The following ERC2 variants were observed in gnomAD, a reference collection of about 807,000 sequenced individuals.
The protein encoded by ERC2 is ERC protein 2.
In ERC2, 42 loss-of-function variants were observed where a neutral mutation model predicts 114.8. That is an observed-to-expected ratio of 0.37 (90% CI 0.29 to 0.47). The LOEUF is 0.47. Ranked by LOEUF, ERC2 falls within the 20% of genes least tolerant of loss-of-function variation. ERC2 has a pLI of 0.99. For synonymous variants in ERC2, 454 were observed against 425.5 expected, an observed-to-expected ratio of 1.07 and a Z score of -0.82; for missense variants, 939 against 1,150.7, an observed-to-expected ratio of 0.82 and a Z score of 2.66.
At chr3:56,107,025 A>C (rs950818235) in intron 6 of ERC2, among the ~76,000 whole-genome samples, 3 of 152,274 alleles carry the variant, frequency 2.0e-5, no homozygotes, top group South Asian at 4.1e-4. Flanking sequence ...ATACGGAAAC[A>C]TGTTTTATTC....
At chr3:56,198,228 G>T (rs1356751998) in intron 3 of ERC2, among the ~76,000 whole-genome samples, 3 of 152,204 alleles carry the variant, frequency 2.0e-5, no homozygotes, top group Admixed American at 2.0e-4. Flanking sequence ...ATCAGGTCTT[G>T]CTCCTCAGCT....
chr3:56,002,144 C>T (rs1482306693), intron 10 of ERC2, among the ~76,000 whole-genome samples: 1 of 152,122 alleles, frequency 6.6e-6, no homozygotes, highest in Admixed American at 6.6e-5. Context: ...AGGGTGGAGG[C>T]TGAATCTAAC....
At chr3:56,231,446 G>A (rs935752061) in intron 3 of ERC2, among the ~76,000 whole-genome samples, 1 of 152,274 alleles carries the variant, frequency 6.6e-6, no homozygotes, top group Admixed American at 6.5e-5. Flanking sequence ...CACATTATCT[G>A]AGACCTGGCT....
intron 15 of ERC2, among the ~76,000 whole-genome samples, chr3:55,709,637 A>G (rs2063669357): frequency 6.6e-6 from 1 of 152,164 alleles, no homozygotes; most frequent in Non-Finnish European, 1.5e-5. Context: ...AGTGGAAGCA[A>G]ATGCAATCTG....
intron 13 of ERC2, among the ~76,000 whole-genome samples, chr3:55,890,855 G>T (rs1452073433): frequency 4.6e-5 from 7 of 152,188 alleles, no homozygotes; most frequent in African/African-American, 1.4e-4. Flanking sequence ...ACCATGTGGG[G>T]CACTGGCCTC....
chr3:56,338,580 A>G (rs1041420177), intron 2 of ERC2, among the ~76,000 whole-genome samples: 1 of 150,444 alleles, frequency 6.6e-6, no homozygotes, highest in Non-Finnish European at 1.5e-5. Context: ...GTCTTTTATC[A>G]TGTCACTTTT....
chr3:56,464,503 G>C (rs2063453260), intron 1 of ERC2, among the ~76,000 whole-genome samples: 1 of 152,204 alleles, frequency 6.6e-6, no homozygotes, highest in African/African-American at 2.4e-5. Flanking sequence ...ACCTGTTGCT[G>C]TAAGTCAGGG....
chr3:56,222,601 A>G (rs1276707157), intron 3 of ERC2, among the ~76,000 whole-genome samples: 1 of 152,106 alleles, frequency 6.6e-6, no homozygotes, highest in Admixed American at 6.5e-5. Flanking sequence ...ATCTACTCAT[A>G]AGTACTTATC....
intron 3 of ERC2, among the ~76,000 whole-genome samples, chr3:56,282,395 A>T (rs1333615976): frequency 6.6e-6 from 1 of 152,228 alleles, no homozygotes; most frequent in East Asian, 1.9e-4. Flanking sequence ...AAGCCCAAAT[A>T]GAAAAGGAAA....
At chr3:55,765,495 C>T (rs2067712546) in intron 14 of ERC2, among the ~76,000 whole-genome samples, 1 of 152,160 alleles carries the variant, frequency 6.6e-6, no homozygotes, top group Non-Finnish European at 1.5e-5. Flanking sequence ...TATTGTATTC[C>T]ACCCAATGAC....
intron 3 of ERC2, among the ~76,000 whole-genome samples, chr3:56,287,875 G>A (rs569099650): frequency 3.9e-5 from 6 of 152,142 alleles, no homozygotes; most frequent in Non-Finnish European, 5.9e-5. Flanking sequence ...TCAGAGTATC[G>A]ATGGAAGAAT....
At chr3:56,322,115 T>C (rs150431700) in intron 2 of ERC2, among the ~76,000 whole-genome samples, 157 of 152,348 alleles carry the variant, frequency 1.0e-3, no homozygotes, top group Middle Eastern at 3.4e-3. Flanking sequence ...TTTCCTCATT[T>C]GTAAAATGAG....
chr3:55,723,237 T>A (rs1452689108), intron 15 of ERC2, among the ~76,000 whole-genome samples: 1 of 152,210 alleles, frequency 6.6e-6, no homozygotes, highest in East Asian at 1.9e-4. Context: ...TTTGTTCAAA[T>A]ATATATGTAG....
At chr3:55,561,155 T>TA (rs34947750) in intron 17 of ERC2, among the ~76,000 whole-genome samples, 60,188 of 145,870 alleles carry the variant, frequency 0.41, 12,084 homozygotes, top group South Asian at 0.53. Flanking sequence ...TGCTTTTCTT[T>TA]AAAAAAAAAA....
intron 3 of ERC2, among the ~76,000 whole-genome samples, chr3:56,220,112 G>A (rs2049800153): frequency 6.6e-6 from 1 of 152,204 alleles, no homozygotes; most frequent in South Asian, 2.1e-4. Flanking sequence ...CACAGTGTCA[G>A]TAATTGCCTT....
intron 2 of ERC2, among the ~76,000 whole-genome samples, chr3:56,337,165 T>C (rs367623054): frequency 2.0e-5 from 3 of 152,174 alleles, no homozygotes; most frequent in East Asian, 3.8e-4. Context: ...CGCTTCAAGC[T>C]CCCAGATATC....
At chr3:55,955,157 C>T (rs773905523) in intron 12 of ERC2, 1 of 516,766 alleles carries the variant, frequency 1.9e-6, no homozygotes, top group Admixed American at 1.9e-5. Context: ...GGAAACTCCA[C>T]ACCAGTCTAT....
intron 3 of ERC2, among the ~76,000 whole-genome samples, chr3:56,258,584 G>A (rs1220602181): frequency 1.3e-5 from 2 of 152,192 alleles, no homozygotes; most frequent in Non-Finnish European, 2.9e-5. Context: ...AACCCGGGAG[G>A]CGGAGCTTGT....
Position 55,583,416 on chromosome 3 carries a change from T to TCCC in ERC2, c.*40-72141_*40-72140insGGG, listed in dbSNP as rs1158145852. 1.4e-3 allele frequency among the ~76,000 whole-genome samples: 170 copies of TCCC among 125,852 alleles called. 2 individuals are homozygous for TCCC. Among genetic ancestry groups the TCCC allele is most frequent in the African/African-American group, 4.9e-3 (157 of 32,244 alleles). 82.6% of individuals were successfully genotyped at this position (125,852 alleles called of 152,430 possible). On this transcript the variant is annotated intron_variant, in intron 17 of 17. Transcript: ENST00000288221. ...CTTCCTTCTTTCCTTCCTTCCTTCC[T>TCCC]TCCTTCCTTCCTTCCTTCCTTCCTT...
Sources: allele counts gnomAD v4.1 joint callset (sites outside exome capture counted in the v4.1 genomes callset), GRCh38; gene constraint gnomAD v4.1.1; transcripts MANE v1.5; gene names NCBI Gene and HGNC (gene_info 2026-07-23, HGNC 2026-07-21).